OSBPL3: variants seen among roughly 807,000 people sequenced by gnomAD.
The protein encoded by OSBPL3 is oxysterol binding protein like 3, also known as oxysterol-binding protein-related protein 3.
Under a neutral mutation model 120.1 loss-of-function variants are expected in OSBPL3, and 65 were observed. The observed-to-expected ratio is 0.54, with a 90% CI of 0.44 to 0.67. The LOEUF (loss-of-function observed/expected upper bound fraction) is 0.67, where lower values mean the gene tolerates loss of function less well. OSBPL3 is among the 30% of genes least tolerant of loss of function. OSBPL3 has a pLI of 0.00. For missense variants in OSBPL3, 1,004 were observed against 1,082.1 expected, an observed-to-expected ratio of 0.93 and a Z score of 1.01; for synonymous variants, 416 against 402.6, an observed-to-expected ratio of 1.03 and a Z score of -0.40.
rs1242992447 is a variant in OSBPL3, at chr7:24,966,997, C to A, written c.-150+12889G>T. Among the ~76,000 whole-genome samples the A allele has an allele frequency of 6.6e-6, 1 of 152,194 alleles. No homozygotes were observed. Among genetic ancestry groups the A allele is most frequent in the Non-Finnish European group, 1.5e-5 (1 of 68,042 alleles). On this transcript the variant is annotated intron_variant, in intron 1 of 22. Transcript: ENST00000313367. This position sits in a 1 kb window ranked among gnomAD's most constrained non-coding sequence, Gnocchi z 4.8. ...ACTAATACATAAGATAAGCAATACA[C>A]TGCCACACAGGCAAATTCAGCTTAA...
At chr7:24,979,816 T>C (rs1818065007) in intron 1 of OSBPL3, 70 bp downstream of exon 1, 1 of 683,720 alleles carries the variant, frequency 1.5e-6, no homozygotes, top group Non-Finnish European at 1.8e-6. Flanking sequence ...ACAGCAGCCC[T>C]TCCGAGCCCG....
intron 1 of OSBPL3, among the ~76,000 whole-genome samples, chr7:24,945,388 A>T (rs771859052): frequency 6.6e-6 from 1 of 152,244 alleles, no homozygotes; most frequent in Non-Finnish European, 1.5e-5. Flanking sequence ...AGACTTAGTG[A>T]CACCAGGTAT....
chr7:24,883,439 A>C lies in OSBPL3; in HGVS notation c.96+8938T>G, dbSNP rs527236233. 1.3e-5 allele frequency among the ~76,000 whole-genome samples: 2 copies of C among 152,304 alleles called. No homozygotes were observed. The highest frequency in any genetic ancestry group is 4.1e-4 in the South Asian group (2 of 4,820). ...ATCGGTCAGCTCAGTTCACATTTGC[A>C]TCAATAGCTTCTTGAGAACATTCCA... On this transcript the variant is annotated intron_variant, in intron 2 of 22. Transcript: ENST00000313367. The surrounding 1 kb of genome is among the most constrained non-coding windows in gnomAD (Gnocchi z 5.4).
Position 24,842,390 on chromosome 7 carries a change from T to A in OSBPL3, c.1290A>T (p.Arg430=), listed in dbSNP as rs578240612. ...CATTAGAAAGCTGATGAACTAGAGC[T>A]CGGTTTTCATCTCTGGAGTTTTCCT... is the stretch of plus-strand genomic sequence containing the variant. ...LAEENSRDEN[R]ALVHQLSNES... The change falls in exon 13 of 23, where the codon CGA becomes CGT. Residue 430 remains arginine (R), a synonymous_variant. Transcript: ENST00000313367. 113 of 1,609,018 alleles carry A rather than the reference T, an allele frequency of 7.0e-5. No individual in the cohort carries two copies. In the East Asian group the frequency reaches 2.4e-3, roughly 34 times the overall value.
At chr7:24,903,726 C>T (rs993839225) in intron 1 of OSBPL3, among the ~76,000 whole-genome samples, 1 of 152,152 alleles carries the variant, frequency 6.6e-6, no homozygotes, top group African/African-American at 2.4e-5. Context: ...GGGCTTTGCT[C>T]CAATGCTGAG....
chr7:24,866,468 T>C (rs1801331722), intron 5 of OSBPL3, among the ~76,000 whole-genome samples: 1 of 151,984 alleles, frequency 6.6e-6, no homozygotes, highest in African/African-American at 2.4e-5. Context: ...TGAAACCCTG[T>C]CTCTACAAAA....
intron 2 of OSBPL3, 64 bp downstream of exon 2, chr7:24,892,313 A>C: frequency 1.9e-6 from 3 of 1,556,132 alleles, no homozygotes; most frequent in Non-Finnish European, 2.6e-6. Flanking sequence ...AAATGTGTGC[A>C]TTTTAACCAG....
chr7:24,839,989 CACAAAAAAAAAAAAAAAAAAAAAA>C (rs1797515225), intron 14 of OSBPL3, among the ~76,000 whole-genome samples: 1 of 65,312 alleles, frequency 1.5e-5, no homozygotes, highest in Non-Finnish European at 3.0e-5. Flanking sequence ...GACTCCATCT[CACAAAAAAAAAAAAAAAAAAAAAA>C]AAAAAAAAGA....
In OSBPL3 at chr7:24,848,527, T is replaced by G. The variant is rs192581587; in HGVS notation, c.1266+542A>C. Among the ~76,000 whole-genome samples the G allele has an allele frequency of 3.2e-4, 49 of 152,308 alleles. No individual in the cohort carries two copies. In the East Asian group the frequency reaches 5.8e-3, roughly 18 times the overall value. ...ACATCCCTAGTCTTGAAGAAAGACT[T>G]TTTTTTAACATACTTTTAACTGACC... is the stretch of plus-strand genomic sequence containing the variant. On this transcript the variant is annotated intron_variant, in intron 12 of 22. Coordinates refer to ENST00000313367, the MANE Select transcript of OSBPL3 (RefSeq NM_015550.4).
intron 1 of OSBPL3, among the ~76,000 whole-genome samples, chr7:24,893,187 A>C (rs1038676838): frequency 6.6e-6 from 1 of 152,262 alleles, no homozygotes; most frequent in African/African-American, 2.4e-5. Context: ...TGTTCATAGC[A>C]ATGTTATTCA....
rs1475146032 is a variant in OSBPL3 at position 24,967,027 on chromosome 7, C to G, written c.-150+12859G>C. Among the ~76,000 whole-genome samples the G allele has an allele frequency of 6.6e-6, 1 of 152,152 alleles. No homozygotes were observed. Among genetic ancestry groups the G allele is most frequent in the African/African-American group, 2.4e-5 (1 of 41,432 alleles). On this transcript the variant is annotated intron_variant, in intron 1 of 22. Coordinates refer to ENST00000313367, the MANE Select transcript of OSBPL3 (RefSeq NM_015550.4). The surrounding 1 kb of genome is among the most constrained non-coding windows in gnomAD (Gnocchi z 5.6). ...ACACAGGCAAATTCAGCTTAAGAGACTGAATTTGCATGAGCCATCACAATG... is the reference window on the plus strand; with the variant it reads ...ACACAGGCAAATTCAGCTTAAGAGAGTGAATTTGCATGAGCCATCACAATG...
At chr7:24,941,629 A>C (rs1013015441) in intron 1 of OSBPL3, among the ~76,000 whole-genome samples, 11 of 152,206 alleles carry the variant, frequency 7.2e-5, no homozygotes, top group Admixed American at 1.3e-4. Context: ...TGCATCCCGT[A>C]AGATAGGTGA....
At chr7:24,812,304 CAAAAA>C (rs57963279) in intron 19 of OSBPL3, among the ~76,000 whole-genome samples, 16,669 of 97,230 alleles carry the variant, frequency 0.17, 1,197 homozygotes, top group East Asian at 0.41. Context: ...GACTCCATCT[CAAAAA>C]AAAAAAAAAA....
chr7:24,810,528 A>T (rs1793659416), intron 19 of OSBPL3, among the ~76,000 whole-genome samples: 1 of 152,142 alleles, frequency 6.6e-6, no homozygotes, highest in Non-Finnish European at 1.5e-5. Flanking sequence ...CGTCTCAAAA[A>T]CAAAACAAAA....
At chr7:24,848,030 G>C (rs1024312967) in intron 12 of OSBPL3, among the ~76,000 whole-genome samples, 1 of 152,168 alleles carries the variant, frequency 6.6e-6, no homozygotes, top group Admixed American at 6.5e-5. Context: ...CAGACAGAGG[G>C]TGAGGCTCAT....
intron 10 of OSBPL3, 26 bp downstream of exon 10, chr7:24,861,587 A>T: frequency 1.3e-6 from 2 of 1,527,490 alleles, no homozygotes. Context: ...CATCAAACAC[A>T]TTAGGAAGAA....
intron 1 of OSBPL3, among the ~76,000 whole-genome samples, chr7:24,948,500 C>T (rs1352204186): frequency 6.6e-6 from 1 of 152,112 alleles, no homozygotes; most frequent in Non-Finnish European, 1.5e-5. Context: ...TGATGTCCAT[C>T]AGCAAAGTTG....
chr7:24,823,682 T>A (rs554504706), intron 16 of OSBPL3, among the ~76,000 whole-genome samples: 5 of 152,356 alleles, frequency 3.3e-5, no homozygotes, highest in Admixed American at 6.5e-5. Context: ...GGTGTGAGGA[T>A]CCCTCTTGGC....
Position 24,832,029 on chromosome 7 carries a change from C to T in OSBPL3, c.1747-1124G>A, listed in dbSNP as rs538666589. Among the ~76,000 whole-genome samples the T allele has an allele frequency of 3.3e-5, 5 of 151,924 alleles. No individual in the cohort carries two copies. The South Asian group carries it at 1.0e-3, about 32-fold the overall frequency. ...ACCAGCCTGGACAACATGGCGAAAC[C>T]TCTTCTCTACAAAAAAAATACAAAA... On this transcript the variant is annotated intron_variant, in intron 15 of 22. Coordinates refer to ENST00000313367, the MANE Select transcript of OSBPL3 (RefSeq NM_015550.4).
Sources: allele counts gnomAD v4.1 joint callset (sites outside exome capture counted in the v4.1 genomes callset), GRCh38; gene constraint gnomAD v4.1.1; non-coding constraint Gnocchi (gnomAD v3.1); transcripts MANE v1.5; gene names NCBI Gene and HGNC (gene_info 2026-07-23, HGNC 2026-07-21).